The following GRXCR1 variants were observed in gnomAD, a reference collection of about 807,000 sequenced individuals.
GRXCR1 encodes the protein glutaredoxin and cysteine rich domain containing 1.
In GRXCR1, 27 loss-of-function variants were observed where a neutral mutation model predicts 27.3. The ratio of observed to expected loss-of-function variants is 0.99; its 90% CI spans 0.73 to 1.37. The LOEUF (loss-of-function observed/expected upper bound fraction) is 1.37. Ranked by LOEUF, GRXCR1 falls within the 40% of genes most tolerant of loss-of-function variation. GRXCR1 has a pLI of 0.00. For synonymous variants in GRXCR1, 122 were observed against 131.1 expected (o/e 0.93, Z 0.47); for missense variants, 379 against 354.4 (o/e 1.07, Z -0.56).
chr4:42,915,264 G>T (rs1044820207), intron 1 of GRXCR1, among the ~76,000 whole-genome samples: 1 of 152,096 alleles, frequency 6.6e-6, no homozygotes, highest in African/African-American at 2.4e-5. Flanking sequence ...CAAAGAATGG[G>T]ATGGGAACGA....
At chr4:42,975,842 G>A (rs968715073) in intron 2 of GRXCR1, among the ~76,000 whole-genome samples, 1 of 152,124 alleles carries the variant, frequency 6.6e-6, no homozygotes, top group Non-Finnish European at 1.5e-5. Context: ...GGTATGAAAT[G>A]TATAGCAGTA....
intron 3 of GRXCR1, 49 bp downstream of exon 3, chr4:43,020,468 C>G: frequency 8.9e-7 from 1 of 1,122,858 alleles, no homozygotes; most frequent in Non-Finnish European, 1.4e-6. Context: ...ATATTAAACA[C>G]ATTCTGATTA....
At chr4:42,947,803 A>G (rs534623785) in intron 1 of GRXCR1, among the ~76,000 whole-genome samples, 1 of 152,308 alleles carries the variant, frequency 6.6e-6, no homozygotes, top group East Asian at 1.9e-4. Context: ...ATTTATTTTT[A>G]GTTTGAATAT....
chr4:42,946,366 A>T (rs961544537), intron 1 of GRXCR1, among the ~76,000 whole-genome samples: 2 of 152,108 alleles, frequency 1.3e-5, no homozygotes, highest in African/African-American at 4.8e-5. Context: ...TTTCTTTTTT[A>T]AAAAATTTAT....
chr4:42,994,892 G>A (rs1712094770), intron 2 of GRXCR1, among the ~76,000 whole-genome samples: 2 of 151,962 alleles, frequency 1.3e-5, no homozygotes, highest in South Asian at 4.1e-4. Context: ...TTATTGGGAA[G>A]GTGAATGATA....
chr4:42,907,536 T>C (rs1451584247), intron 1 of GRXCR1, among the ~76,000 whole-genome samples: 1 of 152,186 alleles, frequency 6.6e-6, no homozygotes, highest in East Asian at 1.9e-4. Flanking sequence ...GTCTGAGCTC[T>C]GAGCATTATG....
At chr4:42,930,566 T>C (rs1747282907) in intron 1 of GRXCR1, among the ~76,000 whole-genome samples, 1 of 151,988 alleles carries the variant, frequency 6.6e-6, no homozygotes, top group Admixed American at 6.6e-5. Context: ...TTGACTCCCA[T>C]TGATTGATTA....
intron 3 of GRXCR1, among the ~76,000 whole-genome samples, chr4:43,022,745 C>T (rs114419217): frequency 0.014 from 2,178 of 152,210 alleles, 50 homozygotes; most frequent in African/African-American, 0.049. Flanking sequence ...ATAAGGGATA[C>T]AAAATACAGA....
At chr4:43,024,197 C>CTTTTTTTTTTTTTTT (rs60704333) in intron 3 of GRXCR1, among the ~76,000 whole-genome samples, 6 of 94,244 alleles carry the variant, frequency 6.4e-5, no homozygotes, top group African/African-American at 1.8e-4. Flanking sequence ...ATTTTCTGTC[C>CTTTTTTTTTTTTTTT]TTTTTTTTTT....
At position 42,987,260 on chromosome 4, in the gene GRXCR1, TAA is replaced by T. The variant is rs1491095469; in HGVS notation, c.627+24127_627+24128del. ...ATATATAATATATAATATATATATATAATATATATATATATATAGAGAGAGAG... is the reference window on the plus strand; with the variant it reads ...ATATATAATATATAATATATATATATTATATATATATATATAGAGAGAGAG... On this transcript the variant is annotated intron_variant, in intron 2 of 3. Coordinates refer to ENST00000399770, the MANE Select transcript of GRXCR1 (RefSeq NM_001080476.3). Among the ~76,000 whole-genome samples the T allele has an allele frequency of 1.0e-3, 76 of 73,264 alleles. 1 individual carries two copies. The highest frequency in any genetic ancestry group is 4.8e-3 in the South Asian group (13 of 2,710). 48.1% of individuals were successfully genotyped at this position (73,264 alleles called of 152,430 possible). A position where few individuals can be genotyped will look rare whatever the true frequency, so the allele number is the denominator to read the frequency against.
intron 1 of GRXCR1, among the ~76,000 whole-genome samples, chr4:42,935,150 T>A (rs1045885742): frequency 2.6e-5 from 4 of 152,008 alleles, no homozygotes; most frequent in Non-Finnish European, 4.4e-5. Context: ...AGGTTACATA[T>A]AAGTGAAAGA....
At chr4:42,980,892 C>T (rs991695006) in intron 2 of GRXCR1, among the ~76,000 whole-genome samples, 3 of 150,162 alleles carry the variant, frequency 2.0e-5, no homozygotes, top group African/African-American at 7.3e-5. Flanking sequence ...CTTTATCAGT[C>T]TTTATGTGCC....
At chr4:43,011,498 C>T (rs1005005345) in intron 2 of GRXCR1, among the ~76,000 whole-genome samples, 1 of 152,156 alleles carries the variant, frequency 6.6e-6, no homozygotes, top group East Asian at 1.9e-4. Context: ...CCCCATGACC[C>T]TTAGACCTAG....
At chr4:42,938,594 T>C (rs1747513409) in intron 1 of GRXCR1, among the ~76,000 whole-genome samples, 2 of 152,040 alleles carry the variant, frequency 1.3e-5, no homozygotes, top group Admixed American at 1.3e-4. Context: ...ACCAATGTAC[T>C]GGAGATTTTC....
At chr4:42,943,730 C>T (rs1361420743) in intron 1 of GRXCR1, among the ~76,000 whole-genome samples, 1 of 152,010 alleles carries the variant, frequency 6.6e-6, no homozygotes, top group Non-Finnish European at 1.5e-5. Flanking sequence ...TTTTTCATCA[C>T]CTGCTATGTG....
intron 2 of GRXCR1, among the ~76,000 whole-genome samples, chr4:42,966,335 A>C (rs927388266): frequency 2.6e-5 from 4 of 152,100 alleles, no homozygotes; most frequent in African/African-American, 9.7e-5. Context: ...AAAATGTAGA[A>C]TGAACCTAAG....
intron 2 of GRXCR1, among the ~76,000 whole-genome samples, chr4:42,990,469 T>C (rs1012074408): frequency 3.9e-5 from 6 of 152,044 alleles, no homozygotes; most frequent in South Asian, 4.1e-4. Flanking sequence ...AGTTCATTTA[T>C]TTTTATGTTT....
At chr4:42,934,487 T>A (rs1468513666) in intron 1 of GRXCR1, among the ~76,000 whole-genome samples, 1 of 151,762 alleles carries the variant, frequency 6.6e-6, no homozygotes, top group Non-Finnish European at 1.5e-5. Context: ...ATTAATATAA[T>A]TCCATGTGAA....
intron 1 of GRXCR1, among the ~76,000 whole-genome samples, chr4:42,932,615 TATATAGAG>T (rs1235761703): frequency 6.8e-4 from 23 of 33,906 alleles, no homozygotes; most frequent in Admixed American, 2.2e-3. Context: ...TATATATATA[TATATAGAG>T]AGAGAGAGAG....
Sources: gnomAD v4.1 joint callset for allele counts (sites outside exome capture counted in the v4.1 genomes callset) on GRCh38, gnomAD v4.1.1 for gene constraint, MANE v1.5 for transcripts, NCBI Gene and HGNC (gene_info 2026-07-23, HGNC 2026-07-21) for gene names.